The following PTPRE variants were observed in gnomAD, a reference collection of about 807,000 sequenced individuals.
PTPRE encodes the protein protein tyrosine phosphatase receptor type E.
Under a neutral mutation model 102.0 loss-of-function variants are expected in PTPRE, and 51 were observed. The observed-to-expected ratio is 0.50, with a 90% CI of 0.40 to 0.63. The LOEUF is 0.63. Among genes scored for constraint, PTPRE ranks in the 30% least tolerant of loss-of-function variants. The pLI is 0.00. For missense variants in PTPRE, 752 were observed against 915.1 expected (o/e 0.82, Z 2.30); for synonymous variants, 345 against 348.2 (o/e 0.99, Z 0.10).
At chr10:128,074,009 A>G (rs1002898005) in intron 17 of PTPRE, among the ~76,000 whole-genome samples, 14 of 152,214 alleles carry the variant, frequency 9.2e-5, no homozygotes, top group African/African-American at 1.2e-4. Flanking sequence ...GAGTTGTGCA[A>G]CCACCACCAC....
chr10:127,991,346 G>A (rs999706134), intron 2 of PTPRE, among the ~76,000 whole-genome samples: 6 of 152,268 alleles, frequency 3.9e-5, no homozygotes, highest in Middle Eastern at 3.4e-3. Context: ...CACTACCCAC[G>A]GCTGTATATT....
chr10:127,985,733 G>A (rs1030981290), intron 2 of PTPRE, among the ~76,000 whole-genome samples: 2 of 152,110 alleles, frequency 1.3e-5, no homozygotes, highest in South Asian at 4.1e-4. Flanking sequence ...ACTATAGTGG[G>A]TATCAAAAGG....
At chr10:128,020,209 T>C (rs747500956) in intron 2 of PTPRE, among the ~76,000 whole-genome samples, 2 of 152,256 alleles carry the variant, frequency 1.3e-5, no homozygotes, top group Non-Finnish European at 2.9e-5. Context: ...AGTATCAGAA[T>C]TTAAGCAGCC....
chr10:128,027,544 G>A (rs1416865697), intron 2 of PTPRE, among the ~76,000 whole-genome samples: 1 of 152,204 alleles, frequency 6.6e-6, no homozygotes, highest in East Asian at 1.9e-4. Context: ...GAAGATAAAG[G>A]GGTCAGCCTC....
At chr10:127,935,693 G>A (rs1010946577) in intron 1 of PTPRE, among the ~76,000 whole-genome samples, 3 of 152,086 alleles carry the variant, frequency 2.0e-5, no homozygotes, top group Admixed American at 2.0e-4. Context: ...TGTGCTGGGG[G>A]CATCAGTCTT....
At chr10:128,015,264 C>T (rs1201911030) in intron 2 of PTPRE, among the ~76,000 whole-genome samples, 1 of 152,188 alleles carries the variant, frequency 6.6e-6, no homozygotes, top group Admixed American at 6.5e-5. Flanking sequence ...GAGAATGGGG[C>T]CGGGCCTCGT....
chr10:128,000,903 G>T (rs375515116), intron 2 of PTPRE, among the ~76,000 whole-genome samples: 1 of 152,142 alleles, frequency 6.6e-6, no homozygotes, highest in African/African-American at 2.4e-5. Context: ...GTAGGTGACC[G>T]TGCCCTTGGA....
At chr10:127,938,866 G>T (rs148783135) in intron 1 of PTPRE, among the ~76,000 whole-genome samples, 1 of 152,046 alleles carries the variant, frequency 6.6e-6, no homozygotes, top group South Asian at 2.1e-4. Flanking sequence ...CTCTGACCCT[G>T]CCTGGACCCT....
intron 2 of PTPRE, among the ~76,000 whole-genome samples, chr10:128,013,043 G>T (rs1346646368): frequency 1.3e-5 from 2 of 152,124 alleles, no homozygotes; most frequent in Non-Finnish European, 2.9e-5. Context: ...TATGAAATTG[G>T]CATGAATTTT....
At chr10:127,951,404 A>T (rs1411829327) in intron 1 of PTPRE, among the ~76,000 whole-genome samples, 1 of 152,194 alleles carries the variant, frequency 6.6e-6, no homozygotes, top group Admixed American at 6.5e-5. Flanking sequence ...GGGGAGAGGG[A>T]AATAAACAGA....
chr10:127,950,826 G>C (rs1199696206), intron 1 of PTPRE, among the ~76,000 whole-genome samples: 1 of 152,160 alleles, frequency 6.6e-6, no homozygotes, highest in Middle Eastern at 3.2e-3. Flanking sequence ...GTCGGGCAAA[G>C]TGGCTCAAGC....
At chr10:128,069,923 C>A in intron 13 of PTPRE, 96 bp downstream of exon 13, 1 of 1,579,596 alleles carries the variant, frequency 6.3e-7, no homozygotes, top group Non-Finnish European at 8.7e-7. Flanking sequence ...CTGATGGGCA[C>A]GTGGCAACCA....
Position 128,068,142 on chromosome 10 carries a change from A to G in PTPRE, c.863A>G (p.Lys288Arg). The G allele has an allele frequency of 6.2e-7, 1 of 1,613,086 alleles. No individual in the cohort carries two copies. The highest frequency in any genetic ancestry group is 8.5e-7 in the Non-Finnish European group (1 of 1,179,356). Residue 288 changes from lysine to arginine, a missense_variant, in exon 12 of 21, where the codon AAA becomes AGA. Lys to Arg is a conservative substitution (Grantham distance 26). Around this residue, in one of 2 missense-constraint regions of PTPRE, gnomAD observed 636 missense variants for 824.4 expected, o/e 0.77. Coordinates refer to ENST00000254667, the MANE Select transcript of PTPRE (RefSeq NM_006504.6). ...CCGCAGCAGCTCCCCGACGGCTGCAAAGCCCCCAGGCTGGTCTCACAGCTG... is the reference window on the plus strand; with the variant it reads ...CCGCAGCAGCTCCCCGACGGCTGCAGAGCCCCCAGGCTGGTCTCACAGCTG... ...CIQPQLPDGCKAPRLVSQLHF... is the reference protein window; with the variant it reads ...CIQPQLPDGCRAPRLVSQLHF...
At chr10:127,961,643 C>T (rs1849822428) in intron 1 of PTPRE, among the ~76,000 whole-genome samples, 1 of 152,176 alleles carries the variant, frequency 6.6e-6, no homozygotes, top group Non-Finnish European at 1.5e-5. Context: ...CACCCCCCAG[C>T]GAGAGAAAGC....
intron 2 of PTPRE, among the ~76,000 whole-genome samples, chr10:128,019,283 G>A (rs1258660058): frequency 6.6e-6 from 1 of 152,236 alleles, no homozygotes; most frequent in Non-Finnish European, 1.5e-5. Flanking sequence ...GGGGAGTGAA[G>A]ATGGCAGTTC....
At chr10:128,001,876 A>T (rs1853941544) in intron 2 of PTPRE, among the ~76,000 whole-genome samples, 1 of 152,136 alleles carries the variant, frequency 6.6e-6, no homozygotes, top group Non-Finnish European at 1.5e-5. Flanking sequence ...CCGGGGCCCT[A>T]TGGGTTGAGA....
At chr10:127,937,291 A>C (rs1439527639) in intron 1 of PTPRE, among the ~76,000 whole-genome samples, 1 of 152,206 alleles carries the variant, frequency 6.6e-6, no homozygotes. Context: ...ACTTGATTAA[A>C]ATTCCTCTCC....
At chr10:127,952,295 C>G (rs2135348801) in intron 1 of PTPRE, among the ~76,000 whole-genome samples, 1 of 152,230 alleles carries the variant, frequency 6.6e-6, no homozygotes, top group South Asian at 2.1e-4. Flanking sequence ...GTAATATGCC[C>G]CTGCTTAGAT....
intron 1 of PTPRE, among the ~76,000 whole-genome samples, chr10:127,940,774 G>A (rs534012736): frequency 5.3e-5 from 8 of 152,344 alleles, no homozygotes; most frequent in African/African-American, 1.9e-4. Flanking sequence ...CTCCCGAGTA[G>A]TAGGGATTAC....
Sources: allele counts gnomAD v4.1 joint callset (sites outside exome capture counted in the v4.1 genomes callset), GRCh38; gene constraint gnomAD v4.1.1; regional missense constraint gnomAD v4.1.1; transcripts MANE v1.5; gene names NCBI Gene and HGNC (gene_info 2026-07-23, HGNC 2026-07-21).